Variants in ESRRG observed in about 807,000 individuals in gnomAD.
ESRRG encodes estrogen-related receptor gamma.
Under a neutral mutation model 44.0 loss-of-function variants are expected in ESRRG, and 13 were observed. That is an observed-to-expected ratio of 0.30 (90% CI 0.19 to 0.47). The LOEUF is 0.47. Among genes scored for constraint, ESRRG ranks in the 20% least tolerant of loss-of-function variants. The pLI is 1.00. For synonymous variants in ESRRG, 215 were observed against 214.6 expected (o/e 1.00, Z -0.02); for missense variants, 395 against 580.6 (o/e 0.68, Z 3.29).
At chr1:216,912,399 A>G (rs1406330598) in intron 2 of ESRRG, among the ~76,000 whole-genome samples, 2 of 151,706 alleles carry the variant, frequency 1.3e-5, no homozygotes, top group African/African-American at 2.4e-5. Context: ...AAGGACATTA[A>G]TTTCCCTGAA....
chr1:217,016,964 A>G (rs893267619), intron 1 of ESRRG, among the ~76,000 whole-genome samples: 1 of 152,234 alleles, frequency 6.6e-6, no homozygotes, highest in Non-Finnish European at 1.5e-5. Context: ...ACTAAGAGAC[A>G]TAACCGAAAA....
intron 2 of ESRRG, among the ~76,000 whole-genome samples, chr1:216,732,067 A>C (rs2088896519): frequency 6.6e-6 from 1 of 151,974 alleles, no homozygotes; most frequent in African/African-American, 2.4e-5. Context: ...AGAACATTTA[A>C]AAATTCTAAT....
chr1:216,984,037 GATA>G (rs1360900513), intron 1 of ESRRG, among the ~76,000 whole-genome samples: 2 of 117,572 alleles, frequency 1.7e-5, no homozygotes, highest in Non-Finnish European at 3.4e-5. Context: ...GGGGCGGAGA[GATA>G]ATAAGAATGG....
At chr1:216,663,381 T>C (rs1007954616) in intron 2 of ESRRG, among the ~76,000 whole-genome samples, 4 of 152,148 alleles carry the variant, frequency 2.6e-5, no homozygotes, top group Admixed American at 2.0e-4. Flanking sequence ...AGAAAATGGA[T>C]ATCAGAATGT....
chr1:217,010,293 G>A (rs1205558382), intron 1 of ESRRG, among the ~76,000 whole-genome samples: 1 of 152,126 alleles, frequency 6.6e-6, no homozygotes, highest in East Asian at 1.9e-4. Flanking sequence ...CAATTTCTGG[G>A]TCTGAAAATG....
intron 2 of ESRRG, among the ~76,000 whole-genome samples, chr1:216,867,421 T>C (rs11572549): frequency 6.6e-6 from 1 of 152,230 alleles, no homozygotes; most frequent in African/African-American, 2.4e-5. Context: ...CAGAAATTTC[T>C]CTTCATATAT....
intron 1 of ESRRG, among the ~76,000 whole-genome samples, chr1:217,087,909 G>T (rs2092182050): frequency 6.6e-6 from 1 of 152,108 alleles, no homozygotes; most frequent in South Asian, 2.1e-4. Flanking sequence ...CTCCATCAGT[G>T]TTTTCATGTC....
At chr1:216,680,529 A>G (rs994497426) in intron 1 of ESRRG, among the ~76,000 whole-genome samples, 3 of 152,196 alleles carry the variant, frequency 2.0e-5, no homozygotes, top group African/African-American at 7.2e-5. Flanking sequence ...TCCACAGCCC[A>G]CGCATAAGTG....
intron 1 of ESRRG, among the ~76,000 whole-genome samples, chr1:217,016,226 C>T (rs1431745015): frequency 2.0e-5 from 3 of 152,112 alleles, no homozygotes; most frequent in African/African-American, 7.2e-5. Flanking sequence ...CTGCAGCTTA[C>T]TCATCGCAAG....
intron 1 of ESRRG, among the ~76,000 whole-genome samples, chr1:217,042,462 A>T (rs948683061): frequency 1.6e-5 from 2 of 126,456 alleles, no homozygotes. Context: ...GCACACACAC[A>T]TACACACACA....
intron 2 of ESRRG, among the ~76,000 whole-genome samples, chr1:216,673,532 G>A (rs575873835): frequency 3.3e-5 from 5 of 152,134 alleles, no homozygotes; most frequent in African/African-American, 4.8e-5. Context: ...TCTCCAATAC[G>A]GAGTAAAACT....
At chr1:217,133,939 G>T (rs116652989) in intron 1 of ESRRG, among the ~76,000 whole-genome samples, 2,729 of 152,174 alleles carry the variant, frequency 0.018, 90 homozygotes, top group African/African-American at 0.062. Context: ...TTCTGCCTAT[G>T]AAGATGTACT....
chr1:216,835,787 C>A (rs1164681418), intron 2 of ESRRG, among the ~76,000 whole-genome samples: 1 of 152,108 alleles, frequency 6.6e-6, no homozygotes, highest in East Asian at 1.9e-4. Flanking sequence ...GGTCAAACAG[C>A]CAAACAAGGC....
chr1:216,752,718 A>C (rs1284675753), intron 2 of ESRRG, among the ~76,000 whole-genome samples: 1 of 152,096 alleles, frequency 6.6e-6, no homozygotes, highest in Admixed American at 6.6e-5. Flanking sequence ...GGTATTTTAG[A>C]ACAGTAGAGT....
chr1:216,630,202 A>G (rs2063897165), intron 3 of ESRRG, among the ~76,000 whole-genome samples: 1 of 152,180 alleles, frequency 6.6e-6, no homozygotes, highest in African/African-American at 2.4e-5. Flanking sequence ...AGCAACATTT[A>G]TGAATTTTCG....
chr1:216,739,274 A>C (rs2090373236), intron 2 of ESRRG, among the ~76,000 whole-genome samples: 1 of 152,160 alleles, frequency 6.6e-6, no homozygotes. Context: ...GAAAAAAAAA[A>C]AAAAGTTCCC....
upstream of ESRRG, among the ~76,000 whole-genome samples, chr1:217,091,282 C>T (rs183887125): frequency 2.6e-4 from 40 of 152,092 alleles, no homozygotes; most frequent in African/African-American, 8.4e-4. Context: ...CAGCAGAGGC[C>T]GAGGTTGCAA....
In ESRRG at chr1:216,519,421, C is replaced by T. The variant is rs781691330; in HGVS notation, c.863G>A (p.Gly288Asp). The part of the protein sequence containing the change: ...VIIGWAKHIP[G>D]FSTLSLADQM... ...GTCCGCCAGGGACAGCGTGGAGAAG[C>T]CTGCATGGAAAGATGGGCAGATCAA... Residue 288 changes from glycine (G) to aspartate (D), a missense_variant and splice_region_variant, in exon 6 of 7, where the codon GGC becomes GAC. Transcript: ENST00000408911. 3 of 1,601,226 alleles carry T rather than the reference C, an allele frequency of 1.9e-6. No individual in the cohort carries two copies. Among genetic ancestry groups the T allele is most frequent in the East Asian group, 2.2e-5 (1 of 44,846 alleles).
chr1:216,927,318 G>A (rs2149784348), intron 2 of ESRRG, among the ~76,000 whole-genome samples: 1 of 152,274 alleles, frequency 6.6e-6, no homozygotes, highest in Admixed American at 6.5e-5. Flanking sequence ...CTAATCACCT[G>A]CAAGTAATAA....
Sources: allele counts gnomAD v4.1 joint callset (sites outside exome capture counted in the v4.1 genomes callset), GRCh38; gene constraint gnomAD v4.1.1; transcripts MANE v1.5; gene names NCBI Gene and HGNC (gene_info 2026-07-23, HGNC 2026-07-21).